Variants in KCNA2 observed in about 807,000 individuals in gnomAD.
KCNA2 encodes the protein potassium channel, voltage gated shaker related subfamily A, member 2.
A neutral mutation model predicts 33.4 loss-of-function variants in KCNA2; 11 were observed. The observed-to-expected ratio is 0.33, with a 90% CI of 0.21 to 0.55. The LOEUF (loss-of-function observed/expected upper bound fraction) is 0.55, where lower values mean the gene tolerates loss of function less well. KCNA2 is among the 20% of genes least tolerant of loss of function. The probability of loss-of-function intolerance (pLI) is 0.93; values close to 1 mark genes in which losing one functional copy is unlikely to be tolerated. For synonymous variants in KCNA2, 222 were observed against 231.3 expected (o/e 0.96, Z 0.37); for missense variants, 291 against 621.6 (o/e 0.47, Z 5.66).
At chr1:110,624,768 C>T (rs1380079650) in intron 1 of KCNA2, among the ~76,000 whole-genome samples, 2 of 152,060 alleles carry the variant, frequency 1.3e-5, no homozygotes, top group East Asian at 3.9e-4. Context: ...CAATAATCTG[C>T]ACTACATTTA....
At position 110,598,002 on chromosome 1, in the gene KCNA2, C is replaced by CT. The variant is rs1649170176; in HGVS notation, c.*5280dup. The CT allele has an allele frequency of 1.0e-6, 1 of 985,362 alleles. No homozygotes were observed. Among genetic ancestry groups the CT allele is most frequent in the African/African-American group, 1.7e-5 (1 of 57,338 alleles). The allele number at this position is 985,362 out of a possible 1,614,324, so 61.0% of individuals were successfully genotyped here. On this transcript the variant is annotated 3_prime_UTR_variant, in exon 3 of 3. Transcript: ENST00000316361. ...GGAACAGGGTTGGACTCAACAAGGG[C>CT]TAAGTCTGAAGATATAGATGATGGT...
rs925152283 is a variant in KCNA2, at chr1:110,597,236, G to A, written c.*6047C>T. ...CATTCCCTCAGCATCCGTCTCCCTGGGGAAGGGAGAAGGGGAAGCAAAAGG... is the reference window on the plus strand; with the variant it reads ...CATTCCCTCAGCATCCGTCTCCCTGAGGAAGGGAGAAGGGGAAGCAAAAGG... On this transcript the variant is annotated 3_prime_UTR_variant, in exon 3 of 3. Transcript: ENST00000316361. The A allele has an allele frequency of 1.2e-5, 12 of 985,314 alleles. No homozygotes were observed. The highest frequency in any genetic ancestry group is 1.0e-4 in the African/African-American group (6 of 57,236). The allele number at this position is 985,314 out of a possible 1,614,324, so 61.0% of individuals were successfully genotyped here. A position where few individuals can be genotyped will look rare whatever the true frequency, so the allele number is the denominator to read the frequency against.
At chr1:110,631,290 A>G (rs891444873) in intron 1 of KCNA2, 1 of 152,366 alleles carries the variant, frequency 6.6e-6, no homozygotes, top group Non-Finnish European at 1.5e-5. Flanking sequence ...CACCCCAGCA[A>G]TGGCCTACCA....
intron 1 of KCNA2, among the ~76,000 whole-genome samples, chr1:110,616,754 G>A (rs1365974925): frequency 6.6e-6 from 1 of 152,350 alleles, no homozygotes; most frequent in South Asian, 2.1e-4. Context: ...CTGAGTCATG[G>A]TCTGTCCTCT....
In KCNA2 at chr1:110,603,141, A is replaced by C; in HGVS notation, c.*142T>G. 1 of 1,448,254 alleles carries C rather than the reference A, an allele frequency of 6.9e-7. No homozygotes were observed. The highest frequency in any genetic ancestry group is 9.0e-7 in the Non-Finnish European group (1 of 1,105,846). The allele number at this position is 1,448,254 out of a possible 1,614,324, so 89.7% of individuals were successfully genotyped here. On this transcript the variant is annotated 3_prime_UTR_variant, in exon 3 of 3. Transcript: ENST00000316361. The surrounding 1 kb of genome is among the most constrained non-coding windows in gnomAD (Gnocchi z 5.7). The stretch of plus-strand genomic sequence containing the variant: ...TATTCTGTGTTCTAAATCAAAAGTC[A>C]AAAGATCAAAAGTCACTTGCACAAC...
intron 1 of KCNA2, among the ~76,000 whole-genome samples, chr1:110,615,944 A>G (rs114794849): frequency 0.015 from 2,254 of 152,316 alleles, 55 homozygotes; most frequent in African/African-American, 0.052. Context: ...GTGCCACCCA[A>G]TGGCCACATG....
chr1:110,630,815 C>T (rs1557742883), intron 1 of KCNA2, among the ~76,000 whole-genome samples: 1 of 152,148 alleles, frequency 6.6e-6, no homozygotes, highest in Non-Finnish European at 1.5e-5. Context: ...TCACTGCCTC[C>T]CCCTGCTCAC....
Position 110,598,644 on chromosome 1 carries a change from T to G in KCNA2, c.*4639A>C, listed in dbSNP as rs1649203982. 1 of 985,248 alleles carries G rather than the reference T, an allele frequency of 1.0e-6. No individual in the cohort carries two copies. The highest frequency in any genetic ancestry group is 1.2e-6 in the Non-Finnish European group (1 of 829,942). 61.0% of individuals were successfully genotyped at this position (985,248 alleles called of 1,614,324 possible). On this transcript the variant is annotated 3_prime_UTR_variant, in exon 3 of 3. Coordinates refer to ENST00000316361, the MANE Select transcript of KCNA2 (RefSeq NM_004974.4). The stretch of plus-strand genomic sequence containing the variant: ...GCTTCCATGGGAGCCCTTTCCATAC[T>G]AGGCTAACGCAATCTAGAGGCACAC...
At chr1:110,619,776 T>G (rs945018845) in intron 1 of KCNA2, among the ~76,000 whole-genome samples, 1 of 152,164 alleles carries the variant, frequency 6.6e-6, no homozygotes, top group Non-Finnish European at 1.5e-5. Context: ...CCCCAGCACT[T>G]TCAGTCACCT....
At chr1:110,612,154 T>G (rs1649894703) in intron 1 of KCNA2, among the ~76,000 whole-genome samples, 1 of 152,206 alleles carries the variant, frequency 6.6e-6, no homozygotes, top group African/African-American at 2.4e-5. Flanking sequence ...GGCCCCCTGC[T>G]GCTAATACTC....
Position 110,599,691 on chromosome 1 carries a change from G to A in KCNA2, c.*3592C>T. The A allele has an allele frequency of 1.0e-6, 1 of 985,432 alleles. No homozygotes were observed. Among genetic ancestry groups the A allele is most frequent in the Non-Finnish European group, 1.2e-6 (1 of 829,942 alleles). The allele number at this position is 985,432 out of a possible 1,614,324, so 61.0% of individuals were successfully genotyped here. ...ATCTGTGGGCTTAGAGAATGTTGGGGACATCTTTACCCTGGTCCTGGGCTC... is the reference window on the plus strand; with the variant it reads ...ATCTGTGGGCTTAGAGAATGTTGGGAACATCTTTACCCTGGTCCTGGGCTC... On this transcript the variant is annotated 3_prime_UTR_variant, in exon 3 of 3. Coordinates refer to ENST00000316361, the MANE Select transcript of KCNA2 (RefSeq NM_004974.4).
Position 110,604,152 on chromosome 1 carries a change from C to T in KCNA2, c.631G>A (p.Gly211Arg), listed in dbSNP as rs149727427. 1.2e-5 allele frequency: 20 copies of T among 1,614,058 alleles called. No individual in the cohort carries two copies. The highest frequency in any genetic ancestry group is 2.7e-5 in the African/African-American group (2 of 74,914). ...TFHTYSNSTI[G>R]YQQSTSFTDP... is the part of the protein sequence containing the mutation. ...GTGAAGGAAGTGGACTGCTGGTACC[C>T]GATGGTGCTGTTGGAATAGGTGTGG... is the stretch of plus-strand genomic sequence containing the variant. Residue 211 changes from glycine to arginine, a missense_variant, in exon 3 of 3, where the codon GGG becomes AGG. Physicochemically the swap from Gly to Arg is moderately radical, Grantham distance 125. This residue lies in a region of KCNA2 where 163 missense variants were observed against 273.5 expected (regional missense o/e 0.60). Coordinates refer to ENST00000316361, the MANE Select transcript of KCNA2 (RefSeq NM_004974.4). This position sits in a 1 kb window ranked among gnomAD's most constrained non-coding sequence, Gnocchi z 7.6.
rs747974440 is a variant in KCNA2, at chr1:110,598,694, C to A, written c.*4589G>T. 3.3e-4 allele frequency: 326 copies of A among 985,144 alleles called. 1 individual carries two copies. Among genetic ancestry groups the A allele is most frequent in the Non-Finnish European group, 3.7e-4 (306 of 829,922 alleles). 61.0% of individuals were successfully genotyped at this position (985,144 alleles called of 1,614,324 possible). On this transcript the variant is annotated 3_prime_UTR_variant, in exon 3 of 3. Coordinates refer to ENST00000316361, the MANE Select transcript of KCNA2 (RefSeq NM_004974.4). ...CTCCCGTGGGGCCCCTTTTAAAAGGCTAACCTCATGGTGACATGCCAACAC... is the reference window on the plus strand; with the variant it reads ...CTCCCGTGGGGCCCCTTTTAAAAGGATAACCTCATGGTGACATGCCAACAC...
Position 110,603,311 on chromosome 1 carries a change from T to C in KCNA2, c.1472A>G (p.Asn491Ser), listed in dbSNP as rs1649439735. 8 of 1,609,814 alleles carry C rather than the reference T, an allele frequency of 5.0e-6. No homozygotes were observed. The highest frequency in any genetic ancestry group is 6.8e-6 in the Non-Finnish European group (8 of 1,178,378). Residue 491 changes from asparagine (N) to serine (S), a missense_variant, in exon 3 of 3, where the codon AAT becomes AGT. By Grantham distance (46) the Asn-to-Ser change is conservative. Coordinates refer to ENST00000316361, the MANE Select transcript of KCNA2 (RefSeq NM_004974.4). This position sits in a 1 kb window ranked among gnomAD's most constrained non-coding sequence, Gnocchi z 5.7. ...NCTLANTNYV[N>S]ITKMLTDV ...GACATCAGTTAACATTTTGGTAATA[T>C]TCACATAGTTTGTGTTAGCCAAGGT...
intron 1 of KCNA2, among the ~76,000 whole-genome samples, chr1:110,622,244 C>T (rs1650276976): frequency 6.6e-6 from 1 of 151,940 alleles, no homozygotes; most frequent in South Asian, 2.1e-4. Context: ...AAAAGCAAAA[C>T]CACATGATTA....
At position 110,600,680 on chromosome 1, in the gene KCNA2, G is replaced by C; in HGVS notation, c.*2603C>G. The C allele has an allele frequency of 2.0e-6, 2 of 985,398 alleles. No homozygotes were observed. Among genetic ancestry groups the C allele is most frequent in the African/African-American group, 3.5e-5 (2 of 57,328 alleles). The allele number at this position is 985,398 out of a possible 1,614,324, so 61.0% of individuals were successfully genotyped here. A position where few individuals can be genotyped will look rare whatever the true frequency, so the allele number is the denominator to read the frequency against. ...ATATCTATCCCTGACCTAGGCCTCA[G>C]ATATGGGTTGCTTTACCTTCTATTT... On this transcript the variant is annotated 3_prime_UTR_variant, in exon 3 of 3. Transcript: ENST00000316361.
At chr1:110,616,662 A>G (rs1488420426) in intron 1 of KCNA2, among the ~76,000 whole-genome samples, 1 of 152,144 alleles carries the variant, frequency 6.6e-6, no homozygotes, top group African/African-American at 2.4e-5. Context: ...ACTCCCATTC[A>G]ACAGTTACAG....
At chr1:110,621,189 A>G (rs1650249732) in intron 1 of KCNA2, among the ~76,000 whole-genome samples, 1 of 152,322 alleles carries the variant, frequency 6.6e-6, no homozygotes, top group South Asian at 2.1e-4. Context: ...CTGGGTGGGT[A>G]AGTGTTCATT....
chr1:110,598,763 AGAAG>A lies in KCNA2; in HGVS notation c.*4516_*4519del. 4 of 985,364 alleles carry A rather than the reference AGAAG, an allele frequency of 4.1e-6. No homozygotes were observed. The highest frequency in any genetic ancestry group is 4.8e-6 in the Non-Finnish European group (4 of 829,934). The allele number at this position is 985,364 out of a possible 1,614,324, so 61.0% of individuals were successfully genotyped here. On this transcript the variant is annotated 3_prime_UTR_variant, in exon 3 of 3. Transcript: ENST00000316361. ...TGAGAGGGACAGAGGCAAGCAGAGA[AGAAG>A]GAAGAGAGCATGTCAAATATTACTG...
Sources: allele counts gnomAD v4.1 joint callset (sites outside exome capture counted in the v4.1 genomes callset), GRCh38; gene constraint gnomAD v4.1.1; regional missense constraint gnomAD v4.1.1; non-coding constraint Gnocchi (gnomAD v3.1); transcripts MANE v1.5; gene names NCBI Gene and HGNC (gene_info 2026-07-23, HGNC 2026-07-21).